Variants in STK24 observed in about 807,000 individuals in gnomAD.
STK24 encodes serine/threonine kinase 24, also known as serine/threonine-protein kinase 24.
Under a neutral mutation model 55.6 loss-of-function variants are expected in STK24, and 21 were observed. That is an observed-to-expected ratio of 0.38 (90% CI 0.27 to 0.54). The LOEUF is 0.54. Ranked by LOEUF, STK24 falls within the 20% of genes least tolerant of loss-of-function variation. STK24 has a pLI of 0.79. For synonymous variants in STK24, 200 were observed against 215.2 expected (o/e 0.93, Z 0.62); for missense variants, 383 against 538.4 (o/e 0.71, Z 2.86).
chr13:98,463,883 T>C (rs771329839), intron 6 of STK24, 47 bp from the exon 7 acceptor site: 13 of 1,596,772 alleles, frequency 8.1e-6, no homozygotes, highest in South Asian at 5.6e-5. Context: ...AAGTTCTTGG[T>C]CCTACCCCAA....
intron 2 of STK24, among the ~76,000 whole-genome samples, chr13:98,484,573 A>AC (rs1276911726): frequency 6.6e-6 from 1 of 151,802 alleles, no homozygotes; most frequent in African/African-American, 2.4e-5. Flanking sequence ...ACAAGTGACC[A>AC]CCCCCTCGTC....
intron 1 of STK24, among the ~76,000 whole-genome samples, chr13:98,576,426 G>A (rs1766219640): frequency 6.6e-6 from 1 of 152,094 alleles, no homozygotes; most frequent in Admixed American, 6.5e-5. Flanking sequence ...CCCGGGGACA[G>A]GGCCACCCAG....
chr13:98,461,682 C>T (rs1442926705), intron 8 of STK24, 92 bp downstream of exon 8: 4 of 1,557,002 alleles, frequency 2.6e-6, no homozygotes, highest in African/African-American at 1.4e-5. Context: ...ACAAAGGACC[C>T]CAGCCGCACC....
At chr13:98,547,046 G>C (rs1897047876) in intron 1 of STK24, among the ~76,000 whole-genome samples, 1 of 152,038 alleles carries the variant, frequency 6.6e-6, no homozygotes, top group Non-Finnish European at 1.5e-5. Flanking sequence ...CGAGTAGCTG[G>C]GATTACAGGC....
Position 98,530,989 on chromosome 13 carries a change from C to A in STK24, c.43-11516G>T, listed in dbSNP as rs551296143. ...AGAGTAGATTTTTAGTATGGCTGAACTTTAGGCCAATCTCCTATTTTTTAA... is the reference window on the plus strand; with the variant it reads ...AGAGTAGATTTTTAGTATGGCTGAAATTTAGGCCAATCTCCTATTTTTTAA... On this transcript the variant is annotated intron_variant, in intron 1 of 10. Transcript: ENST00000539966. 1.9e-4 allele frequency among the ~76,000 whole-genome samples: 29 copies of A among 152,304 alleles called. No homozygotes were observed. The East Asian group carries it at 5.0e-3, about 26-fold the overall frequency.
chr13:98,469,919 C>T lies in STK24; in HGVS notation c.598-3358G>A, dbSNP rs114296742. ...CCAAACTTGTTAAAACCAATTACTT[C>T]GATTCCTAGGCATCTCTACTACATT... On this transcript the variant is annotated intron_variant, in intron 5 of 10. Coordinates refer to ENST00000539966, the MANE Select transcript of STK24 (RefSeq NM_001032296.4). Among the ~76,000 whole-genome samples, 709 of 152,296 alleles carry T rather than the reference C, an allele frequency of 4.7e-3. 4 individuals are homozygous for T. The highest frequency in any genetic ancestry group is 0.016 in the African/African-American group (669 of 41,558).
intron 3 of STK24, among the ~76,000 whole-genome samples, chr13:98,480,563 T>C (rs1894543838): frequency 6.6e-6 from 1 of 152,184 alleles, no homozygotes; most frequent in Admixed American, 6.5e-5. Flanking sequence ...TTTTATACCA[T>C]ATTAATTTTT....
chr13:98,459,904 G>T (rs1389981473), intron 9 of STK24, among the ~76,000 whole-genome samples: 1 of 152,224 alleles, frequency 6.6e-6, no homozygotes, highest in African/African-American at 2.4e-5. Flanking sequence ...GCTGAGCAGG[G>T]AGTGGGCGTG....
intron 2 of STK24, among the ~76,000 whole-genome samples, chr13:98,488,160 G>GACACACACACACACACACAC (rs71213678): frequency 7.7e-6 from 1 of 130,408 alleles, no homozygotes; most frequent in Admixed American, 7.8e-5. Flanking sequence ...AAGAGATGAA[G>GACACACACACACACACACAC]ACACACACAC....
chr13:98,529,910 T>C (rs1186591781), intron 1 of STK24, among the ~76,000 whole-genome samples: 1 of 152,140 alleles, frequency 6.6e-6, no homozygotes, highest in Non-Finnish European at 1.5e-5. Flanking sequence ...AAAATTGCCT[T>C]ATAAAGGTAA....
intron 2 of STK24, among the ~76,000 whole-genome samples, chr13:98,501,102 C>T (rs768663835): frequency 2.0e-5 from 3 of 152,230 alleles, no homozygotes; most frequent in Non-Finnish European, 2.9e-5. Flanking sequence ...ACATTATTTA[C>T]ACCTCTTATG....
chr13:98,520,025 C>T (rs1212756205), intron 1 of STK24, among the ~76,000 whole-genome samples: 1 of 152,194 alleles, frequency 6.6e-6, no homozygotes, highest in Non-Finnish European at 1.5e-5. Flanking sequence ...AAACAATAAG[C>T]AGCCTGTTTT....
In STK24 at chr13:98,457,218, G is replaced by A; in HGVS notation, c.1209C>T (p.Cys403=). ...RGAIYLAEEA[C]PGISDTMVAQ... ...CCACCATGGTGTCGGAGATGCCAGG[G>A]CACGCCTCCTCCGCTAGGTAGATGG... Residue 403 remains cysteine, a synonymous_variant, in exon 10 of 11, where the codon TGC becomes TGT. Coordinates refer to ENST00000539966, the MANE Select transcript of STK24 (RefSeq NM_001032296.4). 6.2e-7 allele frequency: 1 copy of A among 1,612,892 alleles called. No homozygotes were observed. The highest frequency in any genetic ancestry group is 8.5e-7 in the Non-Finnish European group (1 of 1,180,020).
rs1167591256 is a variant in STK24 at position 98,451,233 on chromosome 13, AAC to A, written c.*1938_*1939del. Reference sequence around the variant, plus strand: ...AATCAGGTAACGGCACACCCTGGGGAACACAGACTCAATCTGTGTGATTCGCA... The same window carrying A: ...AATCAGGTAACGGCACACCCTGGGGAACAGACTCAATCTGTGTGATTCGCA... On this transcript the variant is annotated 3_prime_UTR_variant, in exon 11 of 11. Coordinates refer to ENST00000539966, the MANE Select transcript of STK24 (RefSeq NM_001032296.4). 1.3e-5 allele frequency: 2 copies of A among 152,182 alleles called. No homozygotes were observed. The highest frequency in any genetic ancestry group is 2.4e-5 in the African/African-American group (1 of 41,426). 9.4% of individuals were successfully genotyped at this position (152,182 alleles called of 1,614,324 possible).
chr13:98,474,687 TGAA>T, intron 5 of STK24, 131 bp downstream of exon 5: 2 of 1,162,682 alleles, frequency 1.7e-6, no homozygotes, highest in Non-Finnish European at 2.4e-6. Context: ...TAACCAAGGT[TGAA>T]GAATTACCTT....
At position 98,447,845 on chromosome 13, in the gene STK24, A is replaced by AG. The variant is rs2139186686; in HGVS notation, c.*5327_*5328insC. ...GAGTGACAGAGCCAGACCCTGTCTC[A>AG]AAAAAAAAAGAAAAAGAAAAAAGGA... On this transcript the variant is annotated 3_prime_UTR_variant, in exon 11 of 11. Coordinates refer to ENST00000539966, the MANE Select transcript of STK24 (RefSeq NM_001032296.4). The AG allele has an allele frequency of 1.4e-5, 1 of 72,826 alleles. No homozygotes were observed. Among genetic ancestry groups the AG allele is most frequent in the South Asian group, 1.7e-4 (1 of 5,898 alleles). 4.5% of individuals were successfully genotyped at this position (72,826 alleles called of 1,614,324 possible). A position where few individuals can be genotyped will look rare whatever the true frequency, so the allele number is the denominator to read the frequency against.
intron 2 of STK24, among the ~76,000 whole-genome samples, chr13:98,504,563 C>T (rs1445130720): frequency 6.6e-6 from 1 of 152,216 alleles, no homozygotes; most frequent in Non-Finnish European, 1.5e-5. Context: ...TTCAACTTGT[C>T]CCCAAATGAC....
At chr13:98,482,477 G>C (rs1485401954) in intron 2 of STK24, among the ~76,000 whole-genome samples, 156 bp from the exon 3 acceptor site, 1 of 152,146 alleles carries the variant, frequency 6.6e-6, no homozygotes, top group Admixed American at 6.5e-5. Context: ...AGCTGTGCAG[G>C]GACCTCCAGA....
In STK24 at chr13:98,446,200, C is replaced by T. The variant is rs1311897796; in HGVS notation, c.*6973G>A. 3.1e-6 allele frequency: 5 copies of T among 1,610,074 alleles called. No individual in the cohort carries two copies. Among genetic ancestry groups the T allele is most frequent in the South Asian group, 1.1e-5 (1 of 90,872 alleles). On this transcript the variant is annotated 3_prime_UTR_variant, in exon 11 of 11. Transcript: ENST00000539966. ...CTTCTGCCTGTTCTTCTACAAATCA[C>T]ACCAGGTAAGTGTCTCGCACAGGGC... is the stretch of plus-strand genomic sequence containing the variant.
Sources: allele counts gnomAD v4.1 joint callset (sites outside exome capture counted in the v4.1 genomes callset), GRCh38; gene constraint gnomAD v4.1.1; transcripts MANE v1.5; gene names NCBI Gene and HGNC (gene_info 2026-07-23, HGNC 2026-07-21).